NRXN3: variants seen among roughly 807,000 people sequenced by gnomAD.
NRXN3 encodes neurexin 3.
NRXN3 carries 32 observed loss-of-function variants against 137.6 expected under a neutral mutation model. That is an observed-to-expected ratio of 0.23 (90% CI 0.18 to 0.31). The LOEUF is 0.31. NRXN3 is among the 10% of genes least tolerant of loss of function. NRXN3 has a pLI of 1.00. For synonymous variants in NRXN3, 798 were observed against 784.5 expected (o/e 1.02, Z -0.29); for missense variants, 1,574 against 2,062.5 (o/e 0.76, Z 4.59).
chr14:79,547,149 C>T (rs1208769864), intron 16 of NRXN3, among the ~76,000 whole-genome samples: 2 of 152,136 alleles, frequency 1.3e-5, no homozygotes, highest in African/African-American at 4.8e-5. Context: ...CCTCTACACT[C>T]AATCTGGAGC....
intron 20 of NRXN3, among the ~76,000 whole-genome samples, chr14:79,826,051 A>G (rs981604412): frequency 4.6e-5 from 7 of 151,976 alleles, no homozygotes; most frequent in Non-Finnish European, 8.8e-5. Context: ...GCTAGAGTGC[A>G]GTGGTGCGAT....
intron 11 of NRXN3, among the ~76,000 whole-genome samples, chr14:78,963,071 T>C (rs115661767): frequency 6.6e-6 from 1 of 152,236 alleles, no homozygotes; most frequent in African/African-American, 2.4e-5. Context: ...GAACTCCCAG[T>C]TTGTGTTCCT....
intron 16 of NRXN3, among the ~76,000 whole-genome samples, chr14:79,552,995 C>A (rs1319999421): frequency 1.3e-5 from 2 of 152,026 alleles, no homozygotes; most frequent in Non-Finnish European, 2.9e-5. Context: ...TCTGGATAAA[C>A]TTTCTTCTGG....
chr14:79,367,176 G>A (rs1053318641), intron 15 of NRXN3, among the ~76,000 whole-genome samples: 1 of 151,910 alleles, frequency 6.6e-6, no homozygotes, highest in Non-Finnish European at 1.5e-5. Flanking sequence ...GTAGAGACAG[G>A]GTTTTACTGT....
intron 15 of NRXN3, among the ~76,000 whole-genome samples, chr14:79,113,265 G>C (rs1250854110): frequency 1.3e-5 from 2 of 152,130 alleles, no homozygotes; most frequent in African/African-American, 2.4e-5. Flanking sequence ...CCAGAAGGAA[G>C]TTGTATATTA....
chr14:78,468,549 A>G (rs144343578), intron 4 of NRXN3, among the ~76,000 whole-genome samples: 1 of 152,300 alleles, frequency 6.6e-6, no homozygotes. Flanking sequence ...AGGTCTCTTT[A>G]GGCCTCATGT....
At chr14:79,086,903 A>G (rs1051283125) in intron 15 of NRXN3, among the ~76,000 whole-genome samples, 1 of 152,198 alleles carries the variant, frequency 6.6e-6, no homozygotes, top group Non-Finnish European at 1.5e-5. Flanking sequence ...TTGAATGGGA[A>G]TTGGTAAAAG....
At chr14:78,382,411 G>T (rs2089287763) in intron 4 of NRXN3, among the ~76,000 whole-genome samples, 1 of 152,174 alleles carries the variant, frequency 6.6e-6, no homozygotes, top group Admixed American at 6.5e-5. Context: ...TGCATTCTGT[G>T]TATGTGTTAG....
At position 79,109,499 on chromosome 14, in the gene NRXN3, G is replaced by A. The variant is rs560771506; in HGVS notation, c.3262+121358G>A. On this transcript the variant is annotated intron_variant, in intron 15 of 20. Transcript: ENST00000335750. ...AATAACTCAGTATGACAATATTGGT[G>A]AACCTTCCTTTTATTGTCATACATG... Among the ~76,000 whole-genome samples, 3 of 152,294 alleles carry A rather than the reference G, an allele frequency of 2.0e-5. No individual in the cohort carries two copies. The East Asian group carries it at 5.8e-4, about 29-fold the overall frequency.
chr14:79,402,705 G>A (rs1234195931), intron 15 of NRXN3, among the ~76,000 whole-genome samples: 1 of 152,046 alleles, frequency 6.6e-6, no homozygotes, highest in Non-Finnish European at 1.5e-5. Flanking sequence ...CAAACTAAAG[G>A]GATTGTCGGG....
At chr14:78,347,110 A>G (rs1249330409) in intron 4 of NRXN3, among the ~76,000 whole-genome samples, 1 of 152,230 alleles carries the variant, frequency 6.6e-6, no homozygotes, top group African/African-American at 2.4e-5. Context: ...CAGCATTTTG[A>G]AAAAGTTTAT....
intron 15 of NRXN3, among the ~76,000 whole-genome samples, chr14:78,991,823 G>C (rs2153080326): frequency 6.6e-6 from 1 of 152,266 alleles, no homozygotes; most frequent in Non-Finnish European, 1.5e-5. Context: ...CTGTTACATA[G>C]ATGTTGCCTC....
At chr14:79,381,205 A>T (rs2094460380) in intron 15 of NRXN3, among the ~76,000 whole-genome samples, 1 of 136,754 alleles carries the variant, frequency 7.3e-6, no homozygotes, top group Non-Finnish European at 1.6e-5. Context: ...AATGCGTTGA[A>T]TGTTTTTTTT....
At chr14:78,250,557 A>G (rs987429532) in intron 2 of NRXN3, among the ~76,000 whole-genome samples, 2 of 152,156 alleles carry the variant, frequency 1.3e-5, no homozygotes, top group Non-Finnish European at 2.9e-5. Context: ...GCTGCTGACA[A>G]TGGTTATGAC....
At chr14:79,114,284 T>C (rs1195213660) in intron 15 of NRXN3, among the ~76,000 whole-genome samples, 1 of 152,216 alleles carries the variant, frequency 6.6e-6, no homozygotes, top group African/African-American at 2.4e-5. Context: ...CAAAGTATTA[T>C]TCGTCTCAAT....
intron 15 of NRXN3, among the ~76,000 whole-genome samples, chr14:79,020,128 C>T (rs113305605): frequency 0.11 from 1,443 of 13,232 alleles, 48 homozygotes; most frequent in African/African-American, 0.34. Context: ...TTTTCCTTTC[C>T]CTTCCCTTCC....
At chr14:79,218,340 T>C (rs528012358) in intron 15 of NRXN3, among the ~76,000 whole-genome samples, 4 of 152,258 alleles carry the variant, frequency 2.6e-5, no homozygotes, top group African/African-American at 9.6e-5. Flanking sequence ...TCATCATGCC[T>C]CCAAAAACTG....
chr14:79,379,446 C>T (rs183838219), intron 15 of NRXN3, among the ~76,000 whole-genome samples: 1 of 152,180 alleles, frequency 6.6e-6, no homozygotes, highest in Non-Finnish European at 1.5e-5. Flanking sequence ...GGGGTTGTGC[C>T]CATGTTCATA....
rs868470310 is a variant in NRXN3 at position 79,632,981 on chromosome 14, A to G, written c.3445-30797A>G. ...CTTAATATATAAAACAATTATATGC[A>G]GCAGATGTTATTACCATGATACTGC... On this transcript the variant is annotated intron_variant, in intron 16 of 20. Transcript: ENST00000335750. 7.2e-5 allele frequency among the ~76,000 whole-genome samples: 11 copies of G among 152,304 alleles called. No individual in the cohort carries two copies. In the South Asian group the frequency reaches 2.3e-3, roughly 32 times the overall value.
Sources: allele counts gnomAD v4.1 joint callset (sites outside exome capture counted in the v4.1 genomes callset), GRCh38; gene constraint gnomAD v4.1.1; transcripts MANE v1.5; gene names NCBI Gene and HGNC (gene_info 2026-07-23, HGNC 2026-07-21).